MARCHF11: variants seen among roughly 807,000 people sequenced by gnomAD.
The protein encoded by MARCHF11 is membrane associated ring-CH-type finger 11, also known as E3 ubiquitin-protein ligase MARCHF11.
In MARCHF11, 29 loss-of-function variants were observed where a neutral mutation model predicts 37.3. The observed-to-expected ratio is 0.78, with a 90% CI of 0.58 to 1.06. The LOEUF (loss-of-function observed/expected upper bound fraction) is 1.06. Among genes scored for constraint, MARCHF11 ranks in the 50% least tolerant of loss-of-function variants. The probability of loss-of-function intolerance (pLI) is 0.00; values close to 1 mark genes in which losing one functional copy is unlikely to be tolerated. For missense variants in MARCHF11, 482 were observed against 533.4 expected (o/e 0.90, Z 0.95); for synonymous variants, 233 against 228.0 (o/e 1.02, Z -0.20).
chr5:16,175,811 C>T (rs1287950759), intron 2 of MARCHF11, among the ~76,000 whole-genome samples: 1 of 152,204 alleles, frequency 6.6e-6, no homozygotes, highest in Non-Finnish European at 1.5e-5. Context: ...ATCATCATCA[C>T]ATTCATATCA....
chr5:16,084,663 G>A (rs1736665139), intron 3 of MARCHF11, among the ~76,000 whole-genome samples: 1 of 149,236 alleles, frequency 6.7e-6, no homozygotes, highest in South Asian at 2.1e-4. Flanking sequence ...AAAAAAAAAA[G>A]AATTTACATG....
At position 16,090,807 on chromosome 5, in the gene MARCHF11, A is replaced by G. The variant is rs11952736; in HGVS notation, c.886+82T>C. On this transcript the variant is annotated intron_variant, in intron 3 of 3. Coordinates refer to ENST00000332432, the MANE Select transcript of MARCHF11 (RefSeq NM_001102562.3). ...GATAAGTCAATCCACAACATTCTCT[A>G]TTAGATCCGAATGGTGAAAACGTAA... The G allele has an allele frequency of 1.9e-3, 2,090 of 1,106,800 alleles. 28 individuals carry two copies. In the African/African-American group the frequency reaches 0.03, roughly 16 times the overall value. The allele number at this position is 1,106,800 out of a possible 1,614,324, so 68.6% of individuals were successfully genotyped here.
At chr5:16,122,386 T>G (rs984692956) in intron 2 of MARCHF11, among the ~76,000 whole-genome samples, 1 of 152,174 alleles carries the variant, frequency 6.6e-6, no homozygotes, top group African/African-American at 2.4e-5. Context: ...TCCAGTATCC[T>G]CCTTTGGTCA....
intron 2 of MARCHF11, among the ~76,000 whole-genome samples, chr5:16,145,765 C>T (rs962664522): frequency 6.6e-6 from 1 of 151,992 alleles, no homozygotes. Context: ...AAAAGATGTG[C>T]TACTTTTCAC....
chr5:16,147,391 G>GA (rs961204721), intron 2 of MARCHF11, among the ~76,000 whole-genome samples: 8 of 152,066 alleles, frequency 5.3e-5, no homozygotes, highest in African/African-American at 1.9e-4. Context: ...TTTAATAGCT[G>GA]AAAAAAACTG....
chr5:16,123,461 C>T (rs1391434120), intron 2 of MARCHF11, among the ~76,000 whole-genome samples: 1 of 152,124 alleles, frequency 6.6e-6, no homozygotes, highest in Non-Finnish European at 1.5e-5. Context: ...CTAGCCTCTA[C>T]AAGTGTGAAA....
intron 2 of MARCHF11, among the ~76,000 whole-genome samples, chr5:16,105,610 G>C (rs1737024841): frequency 1.3e-5 from 2 of 152,146 alleles, no homozygotes; most frequent in Non-Finnish European, 2.9e-5. Context: ...CAGGAAGAGA[G>C]GAGACACTTG....
intron 2 of MARCHF11, among the ~76,000 whole-genome samples, chr5:16,131,928 G>A (rs1449734423): frequency 6.6e-6 from 1 of 152,250 alleles, no homozygotes; most frequent in Non-Finnish European, 1.5e-5. Flanking sequence ...CAGGTGCTCT[G>A]TGGTAAAGTA....
At chr5:16,108,729 C>T (rs2100041) in intron 2 of MARCHF11, among the ~76,000 whole-genome samples, 6,993 of 152,192 alleles carry the variant, frequency 0.046, 437 homozygotes, top group African/African-American at 0.15. Context: ...CAAGGCCAGG[C>T]GGGTGGGAGA....
intron 2 of MARCHF11, among the ~76,000 whole-genome samples, chr5:16,110,072 T>C (rs111415219): frequency 0.022 from 3,317 of 152,248 alleles, 130 homozygotes; most frequent in African/African-American, 0.076. Context: ...ACAATCCCAG[T>C]AATGTTTTAT....
intron 2 of MARCHF11, among the ~76,000 whole-genome samples, chr5:16,157,221 G>C (rs988206456): frequency 8.6e-6 from 1 of 116,162 alleles, no homozygotes; most frequent in Admixed American, 8.8e-5. Context: ...ATGAAATCCC[G>C]TGTTTGTGGA....
At chr5:16,156,271 T>C (rs1451081650) in intron 2 of MARCHF11, among the ~76,000 whole-genome samples, 2 of 151,930 alleles carry the variant, frequency 1.3e-5, no homozygotes, top group South Asian at 2.1e-4. Flanking sequence ...ATACAAGAAA[T>C]GAGCTCTCTT....
intron 2 of MARCHF11, among the ~76,000 whole-genome samples, chr5:16,163,804 G>C (rs1738126033): frequency 1.3e-5 from 2 of 152,004 alleles, no homozygotes; most frequent in African/African-American, 4.8e-5. Flanking sequence ...AGCTTTAAGA[G>C]GTAATTAAGT....
At chr5:16,126,363 T>A (rs931084526) in intron 2 of MARCHF11, among the ~76,000 whole-genome samples, 2 of 152,208 alleles carry the variant, frequency 1.3e-5, no homozygotes, top group African/African-American at 4.8e-5. Flanking sequence ...TGCCACTAAT[T>A]AAAAACAAAA....
intron 2 of MARCHF11, among the ~76,000 whole-genome samples, chr5:16,167,277 A>C (rs961128425): frequency 1.3e-5 from 2 of 152,178 alleles, no homozygotes; most frequent in East Asian, 3.9e-4. Context: ...AAAAGAGCCA[A>C]GATTGTGGTT....
At chr5:16,102,975 G>A (rs145034932) in intron 2 of MARCHF11, among the ~76,000 whole-genome samples, 169 of 152,226 alleles carry the variant, frequency 1.1e-3, no homozygotes, top group African/African-American at 3.7e-3. Flanking sequence ...TAACACCACC[G>A]ATGTAAAAAT....
chr5:16,069,000 C>A (rs1202599988), intron 3 of MARCHF11, among the ~76,000 whole-genome samples: 1 of 152,182 alleles, frequency 6.6e-6, no homozygotes, highest in African/African-American at 2.4e-5. Flanking sequence ...TAGAGAAACT[C>A]TCACAAATGT....
At chr5:16,110,266 A>C (rs1236093501) in intron 2 of MARCHF11, among the ~76,000 whole-genome samples, 4 of 152,322 alleles carry the variant, frequency 2.6e-5, no homozygotes, top group African/African-American at 7.2e-5. Context: ...GTCCCCTTTA[A>C]ATCACAAAAA....
At chr5:16,081,618 T>C (rs1225352629) in intron 3 of MARCHF11, among the ~76,000 whole-genome samples, 1 of 152,178 alleles carries the variant, frequency 6.6e-6, no homozygotes, top group African/African-American at 2.4e-5. Context: ...AAATACGCAA[T>C]GAATATTGGC....
Sources: allele counts gnomAD v4.1 joint callset (sites outside exome capture counted in the v4.1 genomes callset), GRCh38; gene constraint gnomAD v4.1.1; transcripts MANE v1.5; gene names NCBI Gene and HGNC (gene_info 2026-07-23, HGNC 2026-07-21).